AK5: variants seen among roughly 807,000 people sequenced by gnomAD.
The protein encoded by AK5 is adenylate kinase isoenzyme 5.
A neutral mutation model predicts 69.5 loss-of-function variants in AK5; 27 were observed. The observed-to-expected ratio is 0.39, with a 90% CI of 0.29 to 0.54. AK5 has a LOEUF of 0.54. AK5 is among the 20% of genes least tolerant of loss of function. The probability of loss-of-function intolerance (pLI) is 0.71; values close to 1 mark genes in which losing one functional copy is unlikely to be tolerated. For missense variants in AK5, 531 were observed against 700.4 expected (o/e 0.76, Z 2.73); for synonymous variants, 260 against 244.4 (o/e 1.06, Z -0.60).
intron 1 of AK5, chr1:77,282,862 GAA>G (rs2100632000): frequency 4.1e-6 from 4 of 987,204 alleles, no homozygotes; most frequent in Non-Finnish European, 3.6e-6. Flanking sequence ...AGACAGCTTG[GAA>G]GAGAGGGATG....
At chr1:77,496,953 G>A (rs1047441465) in intron 10 of AK5, among the ~76,000 whole-genome samples, 3 of 152,200 alleles carry the variant, frequency 2.0e-5, no homozygotes, top group African/African-American at 7.2e-5. Context: ...CAGGATGTGG[G>A]CAGGGACAAA....
intron 12 of AK5, chr1:77,532,081 G>A (rs1304097150): frequency 3.3e-5 from 5 of 152,768 alleles, no homozygotes; most frequent in Admixed American, 1.3e-4. Context: ...GCTGCGCACA[G>A]TCCCGGTTCC....
At chr1:77,461,961 C>T (rs527721003) in intron 8 of AK5, among the ~76,000 whole-genome samples, 86 of 152,132 alleles carry the variant, frequency 5.7e-4, no homozygotes, top group African/African-American at 1.8e-3. Context: ...TACTGCAAAA[C>T]GTGTGTGATG....
intron 6 of AK5, among the ~76,000 whole-genome samples, chr1:77,400,933 T>TAAAA (rs71689422): frequency 0.021 from 2,379 of 115,236 alleles, 55 homozygotes; most frequent in Admixed American, 0.03. Context: ...TTCATTCTGT[T>TAAAA]AAAAAAAAAA....
chr1:77,324,297 TA>T (rs1218000033), intron 5 of AK5, among the ~76,000 whole-genome samples: 6 of 54,190 alleles, frequency 1.1e-4, no homozygotes, highest in South Asian at 1.2e-3. Context: ...TGGAACATAT[TA>T]AAAAAAAGTT....
In AK5 at chr1:77,293,964, T is replaced by C; in HGVS notation, c.415+4T>C. ...CCAAAAATCATTCTTGTTATAGGTA[T>C]GAGGACAGAAAGCAAAAATTCTCAT... On this transcript the variant is annotated splice_donor_region_variant and intron_variant, in intron 3 of 13. Coordinates refer to ENST00000354567, the MANE Select transcript of AK5 (RefSeq NM_174858.3). The C allele has an allele frequency of 6.2e-7, 1 of 1,606,290 alleles. No homozygotes were observed.
At chr1:77,491,058 G>A (rs1482793325) in intron 10 of AK5, among the ~76,000 whole-genome samples, 3 of 152,054 alleles carry the variant, frequency 2.0e-5, no homozygotes, top group Admixed American at 2.0e-4. Context: ...GTGGCCTGGT[G>A]TACATTGGCA....
At chr1:77,551,238 C>T (rs1012777385) in intron 13 of AK5, among the ~76,000 whole-genome samples, 2 of 151,972 alleles carry the variant, frequency 1.3e-5, no homozygotes, top group Non-Finnish European at 2.9e-5. Context: ...CACACACACA[C>T]ACACACACAC....
At chr1:77,481,798 G>A (rs1034441500) in intron 8 of AK5, among the ~76,000 whole-genome samples, 2 of 152,086 alleles carry the variant, frequency 1.3e-5, no homozygotes, top group African/African-American at 2.4e-5. Context: ...CCCCTCTCTC[G>A]AAATTTAGCC....
At chr1:77,341,626 A>T (rs539430060) in intron 6 of AK5, among the ~76,000 whole-genome samples, 2 of 152,218 alleles carry the variant, frequency 1.3e-5, no homozygotes, top group Non-Finnish European at 2.9e-5. Context: ...TTAGACTAGG[A>T]TGCCCTTAGA....
chr1:77,282,785 C>A, intron 1 of AK5: 1 of 998,496 alleles, frequency 1.0e-6, no homozygotes, highest in South Asian at 4.6e-5. Flanking sequence ...GCCCTAGTCA[C>A]TCTGCTGGTC....
chr1:77,470,856 TA>T (rs1557615726), intron 8 of AK5, among the ~76,000 whole-genome samples: 1,413 of 20,390 alleles, frequency 0.069, 236 homozygotes, highest in East Asian at 0.13. Context: ...TATATATATA[TA>T]TATATATATA....
chr1:77,460,828 A>G (rs1035950428), intron 8 of AK5, among the ~76,000 whole-genome samples: 2 of 151,614 alleles, frequency 1.3e-5, no homozygotes. Context: ...GGTTCAAGCT[A>G]TTCTCATGCC....
At position 77,340,447 on chromosome 1, in the gene AK5, G is replaced by A. The variant is rs769560818; in HGVS notation, c.770G>A (p.Arg257His). 1.1e-5 allele frequency: 17 copies of A among 1,614,070 alleles called. No individual in the cohort carries two copies. The highest frequency in any genetic ancestry group is 2.7e-5 in the African/African-American group (2 of 75,014). Reference sequence around the variant, plus strand: ...AGACTCAAAGAAAGATTACTGAAGCGTGCAGAACAGCAGGGCCGACCAGAC... The same window carrying A: ...AGACTCAAAGAAAGATTACTGAAGCATGCAGAACAGCAGGGCCGACCAGAC... ...NQRLKERLLK[R>H]AEQQGRPDDN... Residue 257 changes from arginine (R) to histidine (H), a missense_variant, in exon 6 of 14, where the codon CGT becomes CAT. By Grantham distance (29) the Arg-to-His change is conservative. Transcript: ENST00000354567.
At chr1:77,465,448 G>C (rs1029857385) in intron 8 of AK5, among the ~76,000 whole-genome samples, 1 of 152,172 alleles carries the variant, frequency 6.6e-6, no homozygotes. Context: ...AAAGTAATAT[G>C]CTTGGTGAGA....
chr1:77,375,899 T>TCC (rs1218181478), intron 6 of AK5, among the ~76,000 whole-genome samples: 1 of 152,178 alleles, frequency 6.6e-6, no homozygotes, highest in Non-Finnish European at 1.5e-5. Flanking sequence ...AACCCCTGTT[T>TCC]TCTCATCTGT....
At chr1:77,481,807 C>G (rs574636580) in intron 8 of AK5, among the ~76,000 whole-genome samples, 2 of 152,180 alleles carry the variant, frequency 1.3e-5, no homozygotes, top group Non-Finnish European at 2.9e-5. Context: ...CGAAATTTAG[C>G]CTGCAGTATG....
intron 13 of AK5, among the ~76,000 whole-genome samples, chr1:77,538,345 A>AAAC (rs142911414): frequency 1.3e-5 from 2 of 151,044 alleles, no homozygotes; most frequent in Non-Finnish European, 2.9e-5. Context: ...TCTCAAAAAA[A>AAAC]AACAACAACA....
chr1:77,420,670 C>G (rs1650748558), intron 8 of AK5, among the ~76,000 whole-genome samples: 2 of 152,220 alleles, frequency 1.3e-5, no homozygotes, highest in African/African-American at 2.4e-5. Context: ...AGTCAGAAAT[C>G]AAACTTTGAT....
Sources: gnomAD v4.1 joint callset for allele counts (sites outside exome capture counted in the v4.1 genomes callset) on GRCh38, gnomAD v4.1.1 for gene constraint, MANE v1.5 for transcripts, NCBI Gene and HGNC (gene_info 2026-07-23, HGNC 2026-07-21) for gene names.